The following TMEM94 variants were observed in gnomAD, a reference collection of about 807,000 sequenced individuals.
The protein encoded by TMEM94 is transmembrane protein 94, also known as ER Mg2+ ATPase.
In TMEM94, 81 loss-of-function variants were observed where a neutral mutation model predicts 158.6. The observed-to-expected ratio is 0.51, with a 90% CI of 0.43 to 0.61. TMEM94 has a LOEUF of 0.61. TMEM94 is among the 20% of genes least tolerant of loss of function. TMEM94 has a pLI of 0.00. For missense variants in TMEM94, 1,435 were observed against 1,762.0 expected (o/e 0.81, Z 3.32); for synonymous variants, 751 against 730.7 (o/e 1.03, Z -0.45).
At chr17:75,471,420 T>C (rs925589223) in intron 1 of TMEM94, among the ~76,000 whole-genome samples, 10 of 151,962 alleles carry the variant, frequency 6.6e-5, no homozygotes, top group African/African-American at 2.4e-4. Context: ...TGTCTGATGG[T>C]CAGTGAGTTC....
In TMEM94 at chr17:75,489,770, C is replaced by A; in HGVS notation, c.954+108C>A. On this transcript the variant is annotated intron_variant, in intron 9 of 31. Transcript: ENST00000314256. This position sits in a 1 kb window ranked among gnomAD's most constrained non-coding sequence, Gnocchi z 5.0. ...CCTCTCTGCAGCCCAGAGGTCCCCT[C>A]ACGCTTCAGCTTAAGAACACCTCTT... The A allele has an allele frequency of 1.0e-6, 1 of 957,874 alleles. No homozygotes were observed. The allele number at this position is 957,874 out of a possible 1,614,324, so 59.3% of individuals were successfully genotyped here. A position where few individuals can be genotyped will look rare whatever the true frequency, so the allele number is the denominator to read the frequency against.
chr17:75,478,897 A>G (rs2050932109), intron 2 of TMEM94, among the ~76,000 whole-genome samples: 1 of 152,208 alleles, frequency 6.6e-6, no homozygotes, highest in South Asian at 2.1e-4. Context: ...AGGCCAGGTT[A>G]GATTTTTTCT....
At position 75,492,252 on chromosome 17, in the gene TMEM94, C is replaced by T; in HGVS notation, c.1597-222C>T. The T allele has an allele frequency of 7.0e-7, 1 of 1,423,764 alleles. No homozygotes were observed. Among genetic ancestry groups the T allele is most frequent in the Non-Finnish European group, 9.1e-7 (1 of 1,094,730 alleles). The allele number at this position is 1,423,764 out of a possible 1,614,324, so 88.2% of individuals were successfully genotyped here. ...CCCTCTTTTTAGCTCCTGCCAGTGT[C>T]ATGAGATATATTAATAGTCCATAGA... On this transcript the variant is annotated intron_variant, in intron 14 of 31. Transcript: ENST00000314256. This position sits in a 1 kb window ranked among gnomAD's most constrained non-coding sequence, Gnocchi z 4.4.
chr17:75,463,178 G>GTGTGTGTATATA (rs1180723796), intron 1 of TMEM94, among the ~76,000 whole-genome samples: 9 of 15,082 alleles, frequency 6.0e-4, no homozygotes, highest in African/African-American at 1.5e-3. Context: ...GTGTGTGTGT[G>GTGTGTGTATATA]TATATATATA....
chr17:75,478,296 C>T (rs1160476215), intron 2 of TMEM94, among the ~76,000 whole-genome samples: 3 of 130,622 alleles, frequency 2.3e-5, no homozygotes, highest in Admixed American at 8.6e-5. Context: ...GGATTACAGG[C>T]GTGAGCCACC....
In TMEM94 at chr17:75,497,156, C is replaced by A. The variant is rs1224167581; in HGVS notation, c.3365C>A (p.Thr1122Asn). ...CAGCTGCCGCCACTCCTGAGTACCA[C>A]CGACATCCTGTGGCTGTCCTGCTTT... ...LVQLPPLLSTTDILWLSCFCY... is the reference protein window; with the variant it reads ...LVQLPPLLSTNDILWLSCFCY... The change falls in exon 26 of 32, where the codon ACC (threonine) becomes AAC (asparagine). Residue 1122 changes from threonine (T) to asparagine (N), a missense_variant. Physicochemically the swap from Thr to Asn is moderately conservative, Grantham distance 65. Around this residue, in one of 3 missense-constraint regions of TMEM94, gnomAD observed 335 missense variants for 409.1 expected, o/e 0.82. Coordinates refer to ENST00000314256, the MANE Select transcript of TMEM94 (RefSeq NM_014738.6). 1.2e-6 allele frequency: 2 copies of A among 1,614,090 alleles called. No individual in the cohort carries two copies. Among genetic ancestry groups the A allele is most frequent in the Admixed American group, 3.3e-5 (2 of 60,012 alleles).
chr17:75,497,910 C>CTGAGGAT (rs2146914601), intron 27 of TMEM94, 48 bp downstream of exon 27: 1 of 1,541,592 alleles, frequency 6.5e-7, no homozygotes. Flanking sequence ...ATGGAAGGGA[C>CTGAGGAT]TGAGGATTGG....
Position 75,495,925 on chromosome 17 carries a change from T to TCTGC in TMEM94, c.2945-33_2945-30dup. 6.9e-7 allele frequency: 1 copy of TCTGC among 1,453,308 alleles called. No homozygotes were observed. Among genetic ancestry groups the TCTGC allele is most frequent in the Non-Finnish European group, 9.6e-7 (1 of 1,040,238 alleles). 90.0% of individuals were successfully genotyped at this position (1,453,308 alleles called of 1,614,324 possible). A position where few individuals can be genotyped will look rare whatever the true frequency, so the allele number is the denominator to read the frequency against. ...TCTCTGCCCAGTGCCCACTTGGTGC[T>TCTGC]CTGCCTGCCTGACTCTGGTGCCCTT... On this transcript the variant is annotated intron_variant, in intron 22 of 31. Transcript: ENST00000314256. This position sits in a 1 kb window ranked among gnomAD's most constrained non-coding sequence, Gnocchi z 5.6.
intron 2 of TMEM94, chr17:75,476,817 G>T: frequency 6.5e-7 from 1 of 1,530,122 alleles, no homozygotes; most frequent in Non-Finnish European, 8.7e-7. Context: ...GAGTCTTCGG[G>T]TTAGCGGTTG....
intron 1 of TMEM94, among the ~76,000 whole-genome samples, chr17:75,464,509 C>G (rs2050214319): frequency 6.6e-6 from 1 of 151,966 alleles, no homozygotes; most frequent in South Asian, 2.1e-4. Flanking sequence ...AACCTGGGGC[C>G]TACTCAGAAA....
At position 75,494,052 on chromosome 17, in the gene TMEM94, G is replaced by A. The variant is rs992969314; in HGVS notation, c.2407+136G>A. On this transcript the variant is annotated intron_variant, in intron 18 of 31. Transcript: ENST00000314256. ...GGCAGTGGCCACAGCCCCAGGCTGGGACGCCAGTGTGGCACTCTATCCGGG... is the reference window on the plus strand; with the variant it reads ...GGCAGTGGCCACAGCCCCAGGCTGGAACGCCAGTGTGGCACTCTATCCGGG... The A allele has an allele frequency of 2.9e-5, 23 of 805,632 alleles. No individual in the cohort carries two copies. The African/African-American group carries it at 3.6e-4, about 13-fold the overall frequency. The allele number at this position is 805,632 out of a possible 1,614,324, so 49.9% of individuals were successfully genotyped here.
intron 1 of TMEM94, among the ~76,000 whole-genome samples, chr17:75,470,140 T>C (rs1228868324): frequency 6.6e-6 from 1 of 152,022 alleles, no homozygotes; most frequent in Non-Finnish European, 1.5e-5. Flanking sequence ...ACAGAGTACA[T>C]ATGGAACAAA....
Position 75,498,957 on chromosome 17 carries a change from G to GAC in TMEM94, c.3879_3880dup (p.Arg1294ThrfsTer16), listed in dbSNP as rs773253944. The stretch of plus-strand genomic sequence containing the variant: ...AGACGGCTGTGGACCTGCAGCTGTG[G>GAC]ACACACAGGGACAGCCACGTCCACT... On this transcript the variant is annotated frameshift_variant, in exon 31 of 32. Transcript: ENST00000314256. LOFTEE classifies it high-confidence loss of function. This position sits in a 1 kb window ranked among gnomAD's most constrained non-coding sequence, Gnocchi z 6.7. 1 of 1,584,792 alleles carries GAC rather than the reference G, an allele frequency of 6.3e-7. No individual in the cohort carries two copies. Among genetic ancestry groups the GAC allele is most frequent in the South Asian group, 1.1e-5 (1 of 89,172 alleles).
chr17:75,478,329 T>TAAAA (rs57199058), intron 2 of TMEM94, among the ~76,000 whole-genome samples: 1 of 97,562 alleles, frequency 1.0e-5, no homozygotes, highest in East Asian at 2.7e-4. Context: ...GACTCCATCT[T>TAAAA]AAAAAAAAAA....
chr17:75,490,524 C>T (rs1310831640), intron 10 of TMEM94, among the ~76,000 whole-genome samples, 174 bp downstream of exon 10: 1 of 152,230 alleles, frequency 6.6e-6, no homozygotes, highest in Non-Finnish European at 1.5e-5. Flanking sequence ...CAGGCCAGGC[C>T]CTGGGTGTGA....
rs1185924611 is a variant in TMEM94, at chr17:75,498,792, G to A, written c.3827+70G>A. On this transcript the variant is annotated intron_variant, in intron 30 of 31. Coordinates refer to ENST00000314256, the MANE Select transcript of TMEM94 (RefSeq NM_014738.6). This position sits in a 1 kb window ranked among gnomAD's most constrained non-coding sequence, Gnocchi z 6.7. ...GAGGGCCTTCTGCAGGGCTAGGATC[G>A]GAGGGCGGGACCGGGGCCAGTGGTT... 9.2e-6 allele frequency: 14 copies of A among 1,527,526 alleles called. No individual in the cohort carries two copies. The highest frequency in any genetic ancestry group is 2.3e-5 in the East Asian group (1 of 44,088). 94.6% of individuals were successfully genotyped at this position (1,527,526 alleles called of 1,614,324 possible).
intron 5 of TMEM94, among the ~76,000 whole-genome samples, chr17:75,486,794 G>A (rs2051655321): frequency 6.6e-6 from 1 of 152,318 alleles, no homozygotes. Flanking sequence ...ATGGGAAGGT[G>A]GGCAGACATA....
At chr17:75,460,591 G>A (rs898827228) in intron 1 of TMEM94, among the ~76,000 whole-genome samples, 7 of 135,340 alleles carry the variant, frequency 5.2e-5, no homozygotes, top group African/African-American at 2.1e-4. Flanking sequence ...ACGGCTTACG[G>A]CAGCCTTGAT....
chr17:75,467,768 G>C (rs535684596), intron 1 of TMEM94, among the ~76,000 whole-genome samples: 1 of 151,300 alleles, frequency 6.6e-6, no homozygotes, highest in Admixed American at 6.6e-5. Context: ...TCCTGACCTC[G>C]TGATCCACCC....
Sources: allele counts gnomAD v4.1 joint callset (sites outside exome capture counted in the v4.1 genomes callset), GRCh38; gene constraint gnomAD v4.1.1; regional missense constraint gnomAD v4.1.1; non-coding constraint Gnocchi (gnomAD v3.1); transcripts MANE v1.5; gene names NCBI Gene and HGNC (gene_info 2026-07-23, HGNC 2026-07-21).